BBX: variants seen among roughly 807,000 people sequenced by gnomAD.
BBX encodes HMG box transcription factor BBX.
Under a neutral mutation model 100.2 loss-of-function variants are expected in BBX, and 30 were observed. The ratio of observed to expected loss-of-function variants is 0.30; its 90% confidence interval spans 0.22 to 0.41. The LOEUF is 0.41. Among genes scored for constraint, BBX ranks in the 10% least tolerant of loss-of-function variants. BBX has a pLI of 1.00. For missense variants in BBX, 1,023 were observed against 1,129.8 expected, an observed-to-expected ratio of 0.91 and a Z score of 1.35; for synonymous variants, 376 against 388.1, an observed-to-expected ratio of 0.97 and a Z score of 0.37.
At position 107,703,529 on chromosome 3, in the gene BBX, G is replaced by A. The variant is rs1323988298; in HGVS notation, c.-9-6923G>A. ...AGTTAAAGGCAGAGGGACCAGAACT[G>A]CCAGTACAGCTAAGCCCTTCTTTGA... On this transcript the variant is annotated intron_variant, in intron 3 of 17. Coordinates refer to ENST00000325805, the MANE Select transcript of BBX (RefSeq NM_001142568.3). Among the ~76,000 whole-genome samples, 3 of 152,172 alleles carry A rather than the reference G, an allele frequency of 2.0e-5. No homozygotes were observed. The East Asian group carries it at 5.8e-4, about 29-fold the overall frequency.
intron 3 of BBX, among the ~76,000 whole-genome samples, chr3:107,689,886 G>T (rs1427549381): frequency 6.6e-6 from 1 of 152,106 alleles, no homozygotes; most frequent in African/African-American, 2.4e-5. Flanking sequence ...TTCCTAGTTT[G>T]CTTCTTAATG....
intron 5 of BBX, among the ~76,000 whole-genome samples, chr3:107,726,452 C>T (rs1239996127): frequency 7.9e-6 from 1 of 126,636 alleles, no homozygotes; most frequent in East Asian, 1.2e-3. Flanking sequence ...TTAACTCTTC[C>T]ACTCAATTTA....
chr3:107,788,782 C>CATAA (rs985378741), intron 13 of BBX, among the ~76,000 whole-genome samples: 2 of 151,874 alleles, frequency 1.3e-5, no homozygotes, highest in South Asian at 2.1e-4. Context: ...TCAATAAATA[C>CATAA]ATAAATAAAT....
intron 3 of BBX, among the ~76,000 whole-genome samples, chr3:107,647,385 C>T (rs2057582438): frequency 6.6e-6 from 1 of 152,140 alleles, no homozygotes; most frequent in Admixed American, 6.6e-5. Flanking sequence ...ATTACCATGG[C>T]AGACTTCACT....
At chr3:107,619,859 A>G (rs527650699) in intron 2 of BBX, among the ~76,000 whole-genome samples, 7 of 152,078 alleles carry the variant, frequency 4.6e-5, no homozygotes, top group African/African-American at 1.4e-4. Flanking sequence ...ATTGTTTTCA[A>G]GATTTGAGAG....
intron 13 of BBX, among the ~76,000 whole-genome samples, chr3:107,782,830 A>AT (rs930857541): frequency 5.9e-5 from 9 of 151,676 alleles, no homozygotes; most frequent in South Asian, 2.1e-4. Context: ...GCAATGAGTG[A>AT]TTTTTTTTTC....
chr3:107,755,121 C>T (rs1358076678), intron 9 of BBX, among the ~76,000 whole-genome samples: 1 of 152,098 alleles, frequency 6.6e-6, no homozygotes, highest in Non-Finnish European at 1.5e-5. Context: ...CTCTTAGATT[C>T]CTAAGCTGCT....
intron 6 of BBX, 68 bp from the exon 7 acceptor site, chr3:107,732,888 C>G (rs923205617): frequency 8.3e-5 from 109 of 1,316,876 alleles, no homozygotes; most frequent in Non-Finnish European, 3.9e-5. Context: ...TATGAGTATT[C>G]TTTTTGACTC....
intron 1 of BBX, among the ~76,000 whole-genome samples, chr3:107,523,848 G>T (rs2047543792): frequency 6.6e-6 from 1 of 152,066 alleles, no homozygotes; most frequent in African/African-American, 2.4e-5. Context: ...GCAGATCAGT[G>T]CCCTCTCACC....
chr3:107,648,690 G>T (rs1347922342), intron 3 of BBX, among the ~76,000 whole-genome samples: 1 of 152,126 alleles, frequency 6.6e-6, no homozygotes, highest in East Asian at 1.9e-4. Flanking sequence ...TCTACCTGAG[G>T]TCACATTTAC....
chr3:107,570,676 G>C lies in BBX; in HGVS notation c.-84+44278G>C, dbSNP rs535244012. Among the ~76,000 whole-genome samples, 20 of 152,190 alleles carry C rather than the reference G, an allele frequency of 1.3e-4. No individual in the cohort carries two copies. The South Asian group carries it at 3.3e-3, about 25-fold the overall frequency. On this transcript the variant is annotated intron_variant, in intron 2 of 17. Transcript: ENST00000325805. ...GGAGGTGATAAAAGGATTATAGGGTGGGGGAGCGGAGGCTGAGGAAGAATT... is the reference window on the plus strand; with the variant it reads ...GGAGGTGATAAAAGGATTATAGGGTCGGGGAGCGGAGGCTGAGGAAGAATT...
chr3:107,676,112 T>A (rs918725222), intron 3 of BBX, among the ~76,000 whole-genome samples: 2 of 152,054 alleles, frequency 1.3e-5, no homozygotes, highest in African/African-American at 4.8e-5. Flanking sequence ...TCTAGAAAAT[T>A]AGAAGCTTTT....
intron 16 of BBX, 127 bp from the exon 17 acceptor site, chr3:107,800,968 A>G: frequency 1.1e-6 from 1 of 895,096 alleles, no homozygotes; most frequent in East Asian, 2.4e-5. Context: ...TTAATATTCG[A>G]TGGATAGCAA....
chr3:107,729,042 G>A, intron 6 of BBX, 82 bp downstream of exon 6: 2 of 1,417,828 alleles, frequency 1.4e-6, no homozygotes, highest in Non-Finnish European at 1.9e-6. Context: ...ACTGAGGGCG[G>A]GGGGACAAAA....
At chr3:107,630,042 A>C (rs1352694059) in intron 2 of BBX, among the ~76,000 whole-genome samples, 1 of 152,164 alleles carries the variant, frequency 6.6e-6, no homozygotes, top group Admixed American at 6.6e-5. Context: ...CTCATCAGTC[A>C]CAAATACTAT....
intron 2 of BBX, among the ~76,000 whole-genome samples, chr3:107,594,970 G>T (rs1461441617): frequency 6.6e-6 from 1 of 152,204 alleles, no homozygotes; most frequent in Non-Finnish European, 1.5e-5. Flanking sequence ...ACTCACATCT[G>T]TGTGACTCCA....
rs377380385 is a variant in BBX at position 107,624,334 on chromosome 3, T to G, written c.-83-21502T>G. ...TCTTTGCTGTGCTCATCAGCCTTGT[T>G]TTTTTTGTGTGTGTGTTTAAAAATT... On this transcript the variant is annotated intron_variant, in intron 2 of 17. Coordinates refer to ENST00000325805, the MANE Select transcript of BBX (RefSeq NM_001142568.3). 2.2e-4 allele frequency among the ~76,000 whole-genome samples: 34 copies of G among 152,344 alleles called. No individual in the cohort carries two copies. In the East Asian group the frequency reaches 2.7e-3, roughly 12 times the overall value.
chr3:107,586,635 G>A (rs563459242), intron 2 of BBX, among the ~76,000 whole-genome samples: 1 of 152,104 alleles, frequency 6.6e-6, no homozygotes, highest in Non-Finnish European at 1.5e-5. Context: ...TTTTCCTTAG[G>A]CTGGTTCACA....
chr3:107,719,541 T>C (rs2062371444), intron 5 of BBX, among the ~76,000 whole-genome samples: 1 of 152,028 alleles, frequency 6.6e-6, no homozygotes, highest in Admixed American at 6.6e-5. Context: ...TTGTTTTTAG[T>C]TTCTTAAATT....
Sources: allele counts gnomAD v4.1 joint callset (sites outside exome capture counted in the v4.1 genomes callset), GRCh38; gene constraint gnomAD v4.1.1; transcripts MANE v1.5; gene names NCBI Gene and HGNC (gene_info 2026-07-23, HGNC 2026-07-21).